The following LINGO2 variants were observed in gnomAD, a reference collection of about 807,000 sequenced individuals.
The protein encoded by LINGO2 is leucine rich repeat and Ig domain containing 2.
A neutral mutation model predicts 30.6 loss-of-function variants in LINGO2; 14 were observed. The ratio of observed to expected loss-of-function variants is 0.46; its 90% CI spans 0.30 to 0.72. LINGO2 has a LOEUF of 0.72. Ranked by LOEUF, LINGO2 falls within the 30% of genes least tolerant of loss-of-function variation. The pLI, the probability that LINGO2 is intolerant of heterozygous loss-of-function variation, is 0.07. For missense variants in LINGO2, 729 were observed against 751.7 expected, an observed-to-expected ratio of 0.97 and a Z score of 0.35; for synonymous variants, 317 against 288.5, an observed-to-expected ratio of 1.10 and a Z score of -1.00.
Position 28,561,749 on chromosome 9 carries a change from GTA to G in LINGO2, c.-364-85726_-364-85725del, listed in dbSNP as rs1554637723. Among the ~76,000 whole-genome samples, 446 of 48,710 alleles carry G rather than the reference GTA, an allele frequency of 9.2e-3. 28 individuals carry two copies. The highest frequency in any genetic ancestry group is 0.018 in the African/African-American group (173 of 9,386). 32.0% of individuals were successfully genotyped at this position (48,710 alleles called of 152,430 possible). ...TATATATAATTTTGTGTGTGTGTGT[GTA>G]TATATATATATATATATATATATAT... On this transcript the variant is annotated intron_variant, in intron 1 of 5. Coordinates refer to ENST00000379992, the Ensembl canonical transcript of LINGO2.
At chr9:28,722,259 T>C in the LINGO2 span, among the ~76,000 whole-genome samples, 1 of 152,246 alleles carries the variant, frequency 6.6e-6, no homozygotes, top group South Asian at 2.1e-4. Context: ...TTGCTACAGA[T>C]ACTCATGGAA....
chr9:29,065,667 A>C, the LINGO2 span, among the ~76,000 whole-genome samples: 1 of 151,914 alleles, frequency 6.6e-6, no homozygotes, highest in African/African-American at 2.4e-5. Context: ...GCTTGCCTTT[A>C]AACCTATTCA....
the LINGO2 span, among the ~76,000 whole-genome samples, chr9:28,800,728 T>C: frequency 6.6e-6 from 1 of 152,058 alleles, no homozygotes; most frequent in African/African-American, 2.4e-5. Flanking sequence ...ACAGTAAACA[T>C]TCATCAAGTG....
chr9:28,233,116 CTA>C (rs1166795499), intron 4 of LINGO2, among the ~76,000 whole-genome samples: 1 of 136,560 alleles, frequency 7.3e-6, no homozygotes, highest in Non-Finnish European at 1.6e-5. Context: ...GTGGGGGGGT[CTA>C]TGTGTGTGTG....
intron 1 of LINGO2, among the ~76,000 whole-genome samples, chr9:28,524,288 G>A (rs1461799776): frequency 6.6e-6 from 1 of 152,056 alleles, no homozygotes; most frequent in Non-Finnish European, 1.5e-5. Context: ...ATGAATAATA[G>A]AATTAAATGA....
chr9:28,014,865 T>G (rs1480035643), intron 4 of LINGO2, among the ~76,000 whole-genome samples: 1 of 152,136 alleles, frequency 6.6e-6, no homozygotes, highest in Non-Finnish European at 1.5e-5. Context: ...ATTCAATATT[T>G]TTAATAATTT....
intron 4 of LINGO2, among the ~76,000 whole-genome samples, chr9:28,111,648 A>G (rs980331208): frequency 2.0e-5 from 3 of 152,138 alleles, no homozygotes; most frequent in Non-Finnish European, 4.4e-5. Flanking sequence ...CAAGGATCTT[A>G]AAATCAGGAA....
At chr9:28,402,167 T>C (rs1485598040) in intron 2 of LINGO2, among the ~76,000 whole-genome samples, 1 of 152,166 alleles carries the variant, frequency 6.6e-6, no homozygotes, top group Non-Finnish European at 1.5e-5. Context: ...TCCTCCCTTA[T>C]CTATTTTGTC....
At chr9:28,327,852 G>A (rs556261748) in intron 3 of LINGO2, among the ~76,000 whole-genome samples, 5 of 152,084 alleles carry the variant, frequency 3.3e-5, no homozygotes, top group East Asian at 1.9e-4. Flanking sequence ...ATCATTAAAC[G>A]TCTAGTGTAA....
At chr9:29,030,822 C>T in the LINGO2 span, among the ~76,000 whole-genome samples, 1 of 152,064 alleles carries the variant, frequency 6.6e-6, no homozygotes, top group African/African-American at 2.4e-5. Flanking sequence ...TATTTGTCCA[C>T]CAAATTTACA....
the LINGO2 span, among the ~76,000 whole-genome samples, chr9:28,704,997 A>G: frequency 1.3e-5 from 2 of 151,964 alleles, no homozygotes; most frequent in Non-Finnish European, 2.9e-5. Flanking sequence ...GATCACTGCA[A>G]TCTCTGCCTC....
chr9:28,095,967 C>T (rs549014106), intron 4 of LINGO2, among the ~76,000 whole-genome samples: 10 of 152,060 alleles, frequency 6.6e-5, no homozygotes, highest in Admixed American at 1.3e-4. Context: ...TAATGAGATC[C>T]CATCTCTACA....
At chr9:29,095,552 A>G in the LINGO2 span, among the ~76,000 whole-genome samples, 1 of 138,764 alleles carries the variant, frequency 7.2e-6, no homozygotes, top group African/African-American at 2.7e-5. Flanking sequence ...CTGAACCAAT[A>G]TTTTGAAAGA....
At chr9:28,381,390 T>C (rs999444365) in intron 2 of LINGO2, among the ~76,000 whole-genome samples, 4 of 152,020 alleles carry the variant, frequency 2.6e-5, no homozygotes, top group Non-Finnish European at 5.9e-5. Flanking sequence ...AATATAATCA[T>C]ACAGTTTGGA....
chr9:28,118,658 T>C (rs1214130638), intron 4 of LINGO2, among the ~76,000 whole-genome samples: 2 of 152,208 alleles, frequency 1.3e-5, no homozygotes, highest in African/African-American at 2.4e-5. Flanking sequence ...TAAATTATAA[T>C]TGCAGCATTC....
chr9:29,008,755 C>T, the LINGO2 span, among the ~76,000 whole-genome samples: 1 of 152,116 alleles, frequency 6.6e-6, no homozygotes, highest in Non-Finnish European at 1.5e-5. Flanking sequence ...ATATCCTTCA[C>T]CCAATTTTTG....
the LINGO2 span, among the ~76,000 whole-genome samples, chr9:29,120,946 A>G: frequency 6.6e-6 from 1 of 152,186 alleles, no homozygotes; most frequent in Non-Finnish European, 1.5e-5. Context: ...CTCTTACAAT[A>G]TAACTAAATC....
intron 4 of LINGO2, among the ~76,000 whole-genome samples, chr9:28,223,784 G>C (rs772881258): frequency 2.6e-5 from 4 of 152,036 alleles, no homozygotes; most frequent in African/African-American, 4.8e-5. Context: ...TGGAAATAAA[G>C]AGAGAAAAAA....
chr9:28,337,451 A>C (rs908402509), intron 3 of LINGO2, among the ~76,000 whole-genome samples: 2 of 152,202 alleles, frequency 1.3e-5, no homozygotes, highest in Non-Finnish European at 2.9e-5. Context: ...AGATAAATTC[A>C]AGCCAGCTGC....
Sources: gnomAD v4.1 joint callset for allele counts (sites outside exome capture counted in the v4.1 genomes callset) on GRCh38, gnomAD v4.1.1 for gene constraint, MANE v1.5 for transcripts, NCBI Gene and HGNC (gene_info 2026-07-23, HGNC 2026-07-21) for gene names.